The following PIK3CA variants were observed in gnomAD, a reference collection of about 807,000 sequenced individuals.
The protein encoded by PIK3CA is phosphatidylinositol 4,5-bisphosphate 3-kinase catalytic subunit alpha isoform.
PIK3CA carries 27 observed loss-of-function variants against 138.2 expected under a neutral mutation model. The observed-to-expected ratio is 0.20, with a 90% CI of 0.14 to 0.27. PIK3CA has a LOEUF of 0.27. PIK3CA is among the 10% of genes least tolerant of loss of function. The pLI, the probability that PIK3CA is intolerant of heterozygous loss-of-function variation, is 1.00. For missense variants in PIK3CA, 544 were observed against 1,277.4 expected (o/e 0.43, Z 8.75); for synonymous variants, 358 against 413.2 (o/e 0.87, Z 1.62).
Position 179,178,892 on chromosome 3 carries a change from A to T in PIK3CA, c.-76-19858A>T, listed in dbSNP as rs76956292. On this transcript the variant is annotated intron_variant, in intron 1 of 20. Transcript: ENST00000263967. ...ATCTAACCAGCCAGGGAAGTTCGCT[A>T]CAGATTCAGTGCCCAGGGCTTTTAC... 6.6e-3 allele frequency among the ~76,000 whole-genome samples: 998 copies of T among 152,338 alleles called. 16 individuals are homozygous for T. Among genetic ancestry groups the T allele is most frequent in the Admixed American group, 0.035 (536 of 15,306 alleles).
intron 1 of PIK3CA, among the ~76,000 whole-genome samples, chr3:179,157,583 T>G (rs1002250660): frequency 6.6e-6 from 1 of 152,130 alleles, no homozygotes; most frequent in Non-Finnish European, 1.5e-5. Flanking sequence ...CTTTTTTGTT[T>G]GTTTGTTTGG....
At chr3:179,197,606 C>T (rs1724301857) in intron 1 of PIK3CA, among the ~76,000 whole-genome samples, 1 of 152,204 alleles carries the variant, frequency 6.6e-6, no homozygotes. Context: ...AGCACCAATG[C>T]ACTTTTGGTG....
At chr3:179,173,924 C>T (rs1015233331) in intron 1 of PIK3CA, among the ~76,000 whole-genome samples, 14 of 151,472 alleles carry the variant, frequency 9.2e-5, no homozygotes, top group East Asian at 2.1e-4. Context: ...GACAGGGTTT[C>T]GCTATATTGG....
At chr3:179,159,099 C>A (rs1272500582) in intron 1 of PIK3CA, among the ~76,000 whole-genome samples, 1 of 152,140 alleles carries the variant, frequency 6.6e-6, no homozygotes, top group African/African-American at 2.4e-5. Flanking sequence ...ATGGAGGTTT[C>A]TTCAGAAATT....
intron 1 of PIK3CA, among the ~76,000 whole-genome samples, chr3:179,187,572 C>T (rs1724021668): frequency 3.3e-5 from 5 of 150,710 alleles, no homozygotes; most frequent in Middle Eastern, 3.4e-3. Context: ...GAAACGGATC[C>T]TTTATTGAAT....
chr3:179,232,812 T>G (rs990588995), intron 20 of PIK3CA, among the ~76,000 whole-genome samples: 1 of 152,090 alleles, frequency 6.6e-6, no homozygotes, highest in African/African-American at 2.4e-5. Context: ...TACACTGATT[T>G]TGTAACCTGA....
At chr3:179,223,364 A>G (rs1725011518) in intron 14 of PIK3CA, among the ~76,000 whole-genome samples, 1 of 152,230 alleles carries the variant, frequency 6.6e-6, no homozygotes, top group Non-Finnish European at 1.5e-5. Context: ...CTATTGCGTG[A>G]TAACTCAGCA....
At chr3:179,233,924 A>G (rs1403317628) in intron 20 of PIK3CA, among the ~76,000 whole-genome samples, 170 bp from the exon 21 acceptor site, 2 of 152,154 alleles carry the variant, frequency 1.3e-5, no homozygotes, top group Non-Finnish European at 2.9e-5. Context: ...TTTACATTCT[A>G]GTGGGGTAAA....
At chr3:179,177,154 T>C (rs975086845) in intron 1 of PIK3CA, among the ~76,000 whole-genome samples, 5 of 152,168 alleles carry the variant, frequency 3.3e-5, no homozygotes, top group African/African-American at 1.2e-4. Flanking sequence ...ATTAGCCCTT[T>C]GTCGTATGTG....
intron 6 of PIK3CA, 91 bp from the exon 7 acceptor site, chr3:179,209,504 G>T: frequency 1.5e-6 from 1 of 678,108 alleles, no homozygotes. Context: ...TCGTTTGGTT[G>T]ATCTTTGTCT....
intron 16 of PIK3CA, among the ~76,000 whole-genome samples, chr3:179,225,389 G>T (rs374079413): frequency 6.6e-6 from 1 of 152,130 alleles, no homozygotes. Context: ...GGAGGAAAAG[G>T]CTATGGGGGG....
Position 179,234,557 on chromosome 3 carries a change from T to G in PIK3CA, c.*193T>G. ...AAACAGGGTTTGATAGCACTTAAAC[T>G]AGTTCATTTCAAAATTAAGCTTTAG... is the stretch of plus-strand genomic sequence containing the variant. On this transcript the variant is annotated 3_prime_UTR_variant, in exon 21 of 21. Transcript: ENST00000263967. This position sits in a 1 kb window ranked among gnomAD's most constrained non-coding sequence, Gnocchi z 5.1. 2.5e-6 allele frequency: 1 copy of G among 402,742 alleles called. No individual in the cohort carries two copies. The highest frequency in any genetic ancestry group is 4.3e-6 in the Non-Finnish European group (1 of 229,888). 24.9% of individuals were successfully genotyped at this position (402,742 alleles called of 1,614,324 possible).
rs769353294 is a variant in PIK3CA, at chr3:179,210,350, A to C, written c.1404+12A>C. The C allele has an allele frequency of 3.8e-6, 6 of 1,583,052 alleles. No individual in the cohort carries two copies. ...CAAATCCAAATAAAGTAAGGTTTTT[A>C]TTGTCATAAATTAGATATTTTTTAT... On this transcript the variant is annotated intron_variant, in intron 8 of 20. Coordinates refer to ENST00000263967, the MANE Select transcript of PIK3CA (RefSeq NM_006218.4).
rs1725371598 is a variant in PIK3CA at position 179,238,356 on chromosome 3, T to C, written c.*3992T>C. The C allele has an allele frequency of 4.6e-6, 1 of 215,868 alleles. No homozygotes were observed. Among genetic ancestry groups the C allele is most frequent in the Admixed American group, 5.8e-5 (1 of 17,138 alleles). The allele number at this position is 215,868 out of a possible 1,614,324, so 13.4% of individuals were successfully genotyped here. A position where few individuals can be genotyped will look rare whatever the true frequency, so the allele number is the denominator to read the frequency against. ...TTACATTAAAAATTGTAAATATATC[T>C]ATGTGCCATGGCCTGGGAAGCCTGC... On this transcript the variant is annotated 3_prime_UTR_variant, in exon 21 of 21. Transcript: ENST00000263967.
intron 1 of PIK3CA, among the ~76,000 whole-genome samples, chr3:179,178,550 C>T (rs1723761064): frequency 6.6e-6 from 1 of 152,144 alleles, no homozygotes; most frequent in Admixed American, 6.5e-5. Flanking sequence ...GGAATTCTAA[C>T]TTATTGCTGG....
chr3:179,183,573 G>C (rs1364385034), intron 1 of PIK3CA, among the ~76,000 whole-genome samples: 1 of 152,164 alleles, frequency 6.6e-6, no homozygotes, highest in Non-Finnish European at 1.5e-5. Context: ...ATCACCTTAA[G>C]TGCAATAAAA....
intron 20 of PIK3CA, among the ~76,000 whole-genome samples, chr3:179,232,776 G>C (rs553806492): frequency 6.6e-6 from 1 of 152,026 alleles, no homozygotes; most frequent in African/African-American, 2.4e-5. Context: ...GTTGTTGTTG[G>C]TGTATAGCAA....
chr3:179,151,744 A>G (rs1008111003), intron 1 of PIK3CA, among the ~76,000 whole-genome samples: 1 of 152,152 alleles, frequency 6.6e-6, no homozygotes, highest in Non-Finnish European at 1.5e-5. Flanking sequence ...CTGTGCAAAT[A>G]CAGTTTGTAC....
chr3:179,204,071 C>A (rs1203642438), intron 5 of PIK3CA, among the ~76,000 whole-genome samples: 1 of 152,136 alleles, frequency 6.6e-6, no homozygotes. Flanking sequence ...CCTGGGCCAA[C>A]CTTAAGTGAG....
Sources: allele counts gnomAD v4.1 joint callset (sites outside exome capture counted in the v4.1 genomes callset), GRCh38; gene constraint gnomAD v4.1.1; non-coding constraint Gnocchi (gnomAD v3.1); transcripts MANE v1.5; gene names NCBI Gene and HGNC (gene_info 2026-07-23, HGNC 2026-07-21).